Variants in ZC3H12B observed in about 807,000 individuals in gnomAD.
ZC3H12B encodes the protein zinc finger CCCH-type containing 12B, also known as probable ribonuclease ZC3H12B.
ZC3H12B carries 7 observed loss-of-function variants against 43.9 expected under a neutral mutation model. The ratio of observed to expected loss-of-function variants is 0.16; its 90% confidence interval spans 0.09 to 0.30. The LOEUF is 0.30. Ranked by LOEUF, ZC3H12B falls within the 10% of genes least tolerant of loss-of-function variation. The pLI is 1.00. For synonymous variants in ZC3H12B, 222 were observed against 241.7 expected, an observed-to-expected ratio of 0.92 and a Z score of 0.76; for missense variants, 475 against 670.2, an observed-to-expected ratio of 0.71 and a Z score of 3.22.
the ZC3H12B span, chrX:65,186,379 C>T: frequency 9.3e-6 from 1 of 107,877 alleles, no homozygotes; most frequent in Admixed American, 1.0e-4. Flanking sequence ...GTAATCCCAG[C>T]TCCTCAGGAG....
chrX:65,362,092 T>C (rs1392579419), upstream of ZC3H12B, among the ~76,000 whole-genome samples: 1 of 111,667 alleles, frequency 9.0e-6, no homozygotes, highest in Non-Finnish European at 1.9e-5. Flanking sequence ...AATCGGACTG[T>C]CCAACCCAGC....
chrX:65,222,052 A>T, the ZC3H12B span, among the ~76,000 whole-genome samples: 2 of 111,953 alleles, frequency 1.8e-5, no homozygotes, highest in Admixed American at 1.9e-4. Flanking sequence ...AATATCTGCA[A>T]GTCAATAAAT....
the ZC3H12B span, among the ~76,000 whole-genome samples, chrX:65,332,323 G>T: frequency 9.0e-6 from 1 of 110,684 alleles, no homozygotes; most frequent in Admixed American, 9.7e-5. Flanking sequence ...GTATGTCCAG[G>T]GGCATGCTTA....
the ZC3H12B span, among the ~76,000 whole-genome samples, chrX:65,068,661 C>T: frequency 1.8e-5 from 2 of 111,775 alleles, no homozygotes; most frequent in African/African-American, 3.3e-5. Context: ...TTACATATCA[C>T]TGTGACAGTG....
At chrX:65,133,932 A>C in the ZC3H12B span, among the ~76,000 whole-genome samples, 8 of 111,237 alleles carry the variant, frequency 7.2e-5, no homozygotes, top group African/African-American at 2.6e-4. Flanking sequence ...CATTTTTTCG[A>C]CAAAAATCAT....
the ZC3H12B span, among the ~76,000 whole-genome samples, chrX:65,110,403 T>G: frequency 4.5e-5 from 5 of 110,008 alleles, no homozygotes; most frequent in South Asian, 1.1e-3. Context: ...TTTTTTTTTT[T>G]GCTAAAAGTT....
chrX:65,421,348 C>T (rs1437411925), intron 3 of ZC3H12B, among the ~76,000 whole-genome samples: 3 of 112,175 alleles, frequency 2.7e-5, no homozygotes, highest in African/African-American at 6.5e-5. Context: ...GACTTCCATT[C>T]ACCAAGGCCA....
intron 3 of ZC3H12B, among the ~76,000 whole-genome samples, chrX:65,429,911 C>T (rs1376039065): frequency 1.8e-5 from 2 of 112,186 alleles, no homozygotes; most frequent in Non-Finnish European, 3.8e-5. Flanking sequence ...GTCAACTAGG[C>T]CACAGAGATG....
chrX:65,498,961 T>C (rs754470340), intron 2 of ZC3H12B, 38 bp from the exon 8 acceptor site: 2 of 1,074,635 alleles, frequency 1.9e-6, no homozygotes, highest in African/African-American at 1.8e-5. Context: ...TTTCCAAAGA[T>C]GATTTCTGCT....
At chrX:65,434,312 A>G (rs1269665772) in intron 3 of ZC3H12B, among the ~76,000 whole-genome samples, 3 of 112,091 alleles carry the variant, frequency 2.7e-5, no homozygotes, top group African/African-American at 9.7e-5. Context: ...AGTATAAATG[A>G]TTAGGTTTTA....
At chrX:65,124,654 A>C in the ZC3H12B span, among the ~76,000 whole-genome samples, 2 of 110,498 alleles carry the variant, frequency 1.8e-5, no homozygotes, top group Admixed American at 1.9e-4. Context: ...TTACCATTTC[A>C]ATCTTGCTGC....
At chrX:65,053,119 T>A in the ZC3H12B span, among the ~76,000 whole-genome samples, 25 of 111,622 alleles carry the variant, frequency 2.2e-4, no homozygotes, top group African/African-American at 4.2e-4. Context: ...TCTTTTTTTT[T>A]AATTATACTT....
the ZC3H12B span, among the ~76,000 whole-genome samples, chrX:65,339,796 G>A: frequency 1.8e-5 from 2 of 111,526 alleles, no homozygotes; most frequent in African/African-American, 3.3e-5. Flanking sequence ...AAGTGGGGTG[G>A]CCCCCATGAT....
intron 2 of ZC3H12B, among the ~76,000 whole-genome samples, chrX:65,380,129 A>G (rs1032915922): frequency 8.9e-6 from 1 of 111,806 alleles, no homozygotes; most frequent in African/African-American, 3.3e-5. Context: ...ACTCCTTGAG[A>G]AGAGCAACAC....
At chrX:65,434,263 T>C (rs2067195250) in intron 3 of ZC3H12B, among the ~76,000 whole-genome samples, 1 of 112,057 alleles carries the variant, frequency 8.9e-6, no homozygotes, top group African/African-American at 3.2e-5. Flanking sequence ...AATATATTTC[T>C]CATAGTATTG....
the ZC3H12B span, among the ~76,000 whole-genome samples, chrX:65,303,549 T>A: frequency 8.9e-6 from 1 of 111,932 alleles, no homozygotes; most frequent in African/African-American, 3.2e-5. Flanking sequence ...TTTCTTTACC[T>A]TCTTTGAAAA....
At chrX:65,274,320 T>C in the ZC3H12B span, among the ~76,000 whole-genome samples, 1 of 111,145 alleles carries the variant, frequency 9.0e-6, no homozygotes. Context: ...CTCTGTGAGC[T>C]AAGCTGCAGC....
At chrX:65,035,583 G>A in the ZC3H12B span, among the ~76,000 whole-genome samples, 1 of 111,075 alleles carries the variant, frequency 9.0e-6, no homozygotes, top group Non-Finnish European at 1.9e-5. Flanking sequence ...TCCCAGTGCC[G>A]TGCTCGCCCC....
chrX:65,162,961 C>T, the ZC3H12B span, among the ~76,000 whole-genome samples: 1 of 112,093 alleles, frequency 8.9e-6, no homozygotes, highest in Non-Finnish European at 1.9e-5. Flanking sequence ...GATGTCCTTT[C>T]TGTTTGTTAG....
Sources: allele counts gnomAD v4.1 joint callset (sites outside exome capture counted in the v4.1 genomes callset), GRCh38; gene constraint gnomAD v4.1.1; transcripts MANE v1.5; gene names NCBI Gene and HGNC (gene_info 2026-07-23, HGNC 2026-07-21).